The following INSIG1 variants were observed in gnomAD, a reference collection of about 807,000 sequenced individuals.
INSIG1 encodes the protein insulin induced gene 1, also known as insulin-induced gene 1 protein.
In INSIG1, 14 loss-of-function variants were observed where a neutral mutation model predicts 26.5. That is an observed-to-expected ratio of 0.53 (90% CI 0.35 to 0.83). The LOEUF is 0.83. Ranked by LOEUF, INSIG1 falls within the 40% of genes least tolerant of loss-of-function variation. INSIG1 has a pLI of 0.01. For synonymous variants in INSIG1, 147 were observed against 153.3 expected, an observed-to-expected ratio of 0.96 and a Z score of 0.30; for missense variants, 272 against 368.9, an observed-to-expected ratio of 0.74 and a Z score of 2.15.
Position 155,308,605 on chromosome 7 carries a change from T to C in INSIG1, c.*335T>C. 3.6e-6 allele frequency: 1 copy of C among 280,478 alleles called. No homozygotes were observed. The highest frequency in any genetic ancestry group is 6.1e-5 in the East Asian group (1 of 16,390). 17.4% of individuals were successfully genotyped at this position (280,478 alleles called of 1,614,324 possible). The stretch of plus-strand genomic sequence containing the variant: ...GTTGCCATATTTCAAAGCCTTGAAC[T>C]AAGACTCAATTACCAACCCGCAGTT... On this transcript the variant is annotated 3_prime_UTR_variant, in exon 6 of 6. Transcript: ENST00000340368.
At position 155,308,415 on chromosome 7, in the gene INSIG1, C is replaced by T. The variant is rs1448799065; in HGVS notation, c.*145C>T. ...ATGACTCCTGGAAAAAACTCTTCAC[C>T]TAGTCTAGAATAGGGAGGTGGAGAA... On this transcript the variant is annotated 3_prime_UTR_variant, in exon 6 of 6. Coordinates refer to ENST00000340368, the MANE Select transcript of INSIG1 (RefSeq NM_005542.6). 1.0e-6 allele frequency: 1 copy of T among 972,156 alleles called. No individual in the cohort carries two copies. The highest frequency in any genetic ancestry group is 2.4e-5 in the East Asian group (1 of 41,660). 60.2% of individuals were successfully genotyped at this position (972,156 alleles called of 1,614,324 possible).
intron 1 of INSIG1, 51 bp from the exon 2 acceptor site, chr7:155,298,208 T>C (rs889712590): frequency 1.5e-6 from 2 of 1,337,416 alleles, no homozygotes; most frequent in African/African-American, 3.1e-5. Context: ...CCGCGGGGCC[T>C]TCCTCGCTCT....
chr7:155,306,654 AAC>A (rs1198309783), intron 5 of INSIG1, among the ~76,000 whole-genome samples: 1 of 152,246 alleles, frequency 6.6e-6, no homozygotes, highest in Non-Finnish European at 1.5e-5. Context: ...TAGTCCTCAT[AAC>A]ACAAGTCTTT....
chr7:155,301,836 A>G, intron 3 of INSIG1, 146 bp downstream of exon 3: 1 of 641,810 alleles, frequency 1.6e-6, no homozygotes, highest in Non-Finnish European at 2.3e-6. Context: ...TAAAAAGAGA[A>G]AGAAGAATGG....
intron 5 of INSIG1, among the ~76,000 whole-genome samples, chr7:155,306,443 G>A (rs1585207813): frequency 6.6e-6 from 1 of 152,340 alleles, no homozygotes; most frequent in Admixed American, 6.5e-5. Flanking sequence ...GCCACTGCCC[G>A]GCCCCACTGG....
rs907383586 is a variant in INSIG1 at position 155,308,532 on chromosome 7, A to G, written c.*262A>G. The G allele has an allele frequency of 1.5e-5, 7 of 476,892 alleles. No individual in the cohort carries two copies. In the Admixed American group the frequency reaches 1.9e-4, roughly 13 times the overall value. 29.5% of individuals were successfully genotyped at this position (476,892 alleles called of 1,614,324 possible). On this transcript the variant is annotated 3_prime_UTR_variant, in exon 6 of 6. Coordinates refer to ENST00000340368, the MANE Select transcript of INSIG1 (RefSeq NM_005542.6). ...CTGCCCAGGCTACGTGGGTTCAGGC[A>G]GGTGGCAGCTTCCCAAGTATTCGAT...
At chr7:155,298,084 G>C in intron 1 of INSIG1, 125 bp downstream of exon 1, 1 of 445,328 alleles carries the variant, frequency 2.2e-6, no homozygotes. Flanking sequence ...TGGGGCCGGG[G>C]ATGCTGCTCG....
intron 2 of INSIG1, 32 bp from the exon 3 acceptor site, chr7:155,301,534 G>C (rs1321113532): frequency 6.3e-7 from 1 of 1,579,100 alleles, no homozygotes; most frequent in Admixed American, 1.7e-5. Context: ...TGAATCTGCT[G>C]TATTCTAACA....
Position 155,301,689 on chromosome 7 carries a change from C to A in INSIG1, c.536C>A (p.Ala179Asp). Residue 179 changes from alanine to aspartate, a missense_variant and splice_region_variant, in exon 3 of 6, where the codon GCT becomes GAT. Physicochemically the swap from Ala to Asp is moderately radical, Grantham distance 126. This residue lies in a region of INSIG1 where 111 missense variants were observed against 189.8 expected (regional missense o/e 0.58). Coordinates refer to ENST00000340368, the MANE Select transcript of INSIG1 (RefSeq NM_005542.6). ...TTTGTTGGCATTAACCACGCCAGTG[C>A]TGTATCCTTAATTTTCTGTGCTACG... ...AVFVGINHASAKLDFANNVQL... is the reference protein window; with the variant it reads ...AVFVGINHASDKLDFANNVQL... 2 of 1,561,694 alleles carry A rather than the reference C, an allele frequency of 1.3e-6. No individual in the cohort carries two copies. Among genetic ancestry groups the A allele is most frequent in the Non-Finnish European group, 1.7e-6 (2 of 1,147,568 alleles).
intron 2 of INSIG1, among the ~76,000 whole-genome samples, chr7:155,299,721 C>G (rs1028496909): frequency 6.6e-5 from 10 of 152,192 alleles, no homozygotes; most frequent in Non-Finnish European, 2.9e-5. Flanking sequence ...GCTTCAGATG[C>G]TTTGCTGTGT....
At chr7:155,303,715 A>AT in intron 5 of INSIG1, 1 of 392,594 alleles carries the variant, frequency 2.5e-6, no homozygotes, top group Non-Finnish European at 4.5e-6. Flanking sequence ...AAGAAAGTAA[A>AT]TTAAAAAAAA....
chr7:155,303,762 C>T (rs2150898872), intron 5 of INSIG1: 1 of 891,576 alleles, frequency 1.1e-6, no homozygotes, highest in East Asian at 5.8e-5. Flanking sequence ...CGGAGATAAG[C>T]TCTGGGAAAA....
chr7:155,304,017 G>T, intron 5 of INSIG1: 1 of 375,768 alleles, frequency 2.7e-6, no homozygotes, highest in Non-Finnish European at 4.8e-6. Context: ...GCTCTGGAGT[G>T]CAGTGGTGCC....
chr7:155,304,035 C>T, intron 5 of INSIG1: 1 of 324,318 alleles, frequency 3.1e-6, no homozygotes, highest in South Asian at 2.6e-5. Flanking sequence ...GCCATCATAG[C>T]TCACTGTAAC....
chr7:155,308,324 CTG>C lies in INSIG1; in HGVS notation c.*57_*58del, dbSNP rs1234361813. On this transcript the variant is annotated 3_prime_UTR_variant, in exon 6 of 6. Transcript: ENST00000340368. ...AGGAAGATTTTGGAAGAAAATCTGACTGTGGATTATGACAAAGATTATCTTTT... is the reference window on the plus strand; with the variant it reads ...AGGAAGATTTTGGAAGAAAATCTGACTGGATTATGACAAAGATTATCTTTT... 3.1e-6 allele frequency: 5 copies of C among 1,604,216 alleles called. No individual in the cohort carries two copies. The highest frequency in any genetic ancestry group is 2.7e-5 in the African/African-American group (2 of 74,690).
Position 155,302,152 on chromosome 7 carries a change from G to T in INSIG1, c.538-99G>T. The stretch of plus-strand genomic sequence containing the variant: ...TTTTATGGACAGTGAATTATCTGTG[G>T]TACAATAATAAAATACCCATGTTTT... On this transcript the variant is annotated intron_variant, in intron 3 of 5. Coordinates refer to ENST00000340368, the MANE Select transcript of INSIG1 (RefSeq NM_005542.6). The surrounding 1 kb of genome is among the most constrained non-coding windows in gnomAD (Gnocchi z 4.3). 1 of 884,478 alleles carries T rather than the reference G, an allele frequency of 1.1e-6. No individual in the cohort carries two copies. The highest frequency in any genetic ancestry group is 2.1e-5 in the South Asian group (1 of 48,526). The allele number at this position is 884,478 out of a possible 1,614,324, so 54.8% of individuals were successfully genotyped here. A position where few individuals can be genotyped will look rare whatever the true frequency, so the allele number is the denominator to read the frequency against.
At chr7:155,308,215 C>CTTTTTTTTTTTTTTTTTTTTT (rs745484895) in intron 5 of INSIG1, 26 bp from the exon 6 acceptor site, 1 of 1,095,544 alleles carries the variant, frequency 9.1e-7, no homozygotes, top group Non-Finnish European at 1.3e-6. Flanking sequence ...TTTCTCTTTC[C>CTTTTTTTTTTTTTTTTTTTTT]TTTTTTTTTT....
chr7:155,304,234 G>A (rs554059929), intron 5 of INSIG1, among the ~76,000 whole-genome samples: 1 of 152,340 alleles, frequency 6.6e-6, no homozygotes, highest in Non-Finnish European at 1.5e-5. Flanking sequence ...AAAGCACTGG[G>A]ATTATAGGCG....
chr7:155,303,256 C>T (rs927895537), intron 5 of INSIG1, among the ~76,000 whole-genome samples: 3 of 152,220 alleles, frequency 2.0e-5, no homozygotes, highest in African/African-American at 7.2e-5. Context: ...TGTTTCTTTT[C>T]ACAAAATCAG....
Sources: allele counts gnomAD v4.1 joint callset (sites outside exome capture counted in the v4.1 genomes callset), GRCh38; gene constraint gnomAD v4.1.1; regional missense constraint gnomAD v4.1.1; non-coding constraint Gnocchi (gnomAD v3.1); transcripts MANE v1.5; gene names NCBI Gene and HGNC (gene_info 2026-07-23, HGNC 2026-07-21).